The following NR2F2 variants were observed in gnomAD, a reference collection of about 807,000 sequenced individuals.
NR2F2 encodes COUP transcription factor 2.
NR2F2 carries 2 observed loss-of-function variants against 34.8 expected under a neutral mutation model. That is an observed-to-expected ratio of 0.06 (90% CI 0.02 to 0.18). NR2F2 has a LOEUF of 0.18. Ranked by LOEUF, NR2F2 falls within the 10% of genes least tolerant of loss-of-function variation. The pLI is 1.00. For synonymous variants in NR2F2, 274 were observed against 251.8 expected, an observed-to-expected ratio of 1.09 and a Z score of -0.84; for missense variants, 300 against 580.1, an observed-to-expected ratio of 0.52 and a Z score of 4.96.
intron 2 of NR2F2, among the ~76,000 whole-genome samples, chr15:96,335,409 C>G (rs552275480): frequency 6.6e-6 from 1 of 152,238 alleles, no homozygotes; most frequent in Non-Finnish European, 1.5e-5. Context: ...AGTAATAGAG[C>G]TGATACTAAT....
At chr15:96,327,503 G>A (rs894053341), upstream of NR2F2, 1 of 152,188 alleles carries the variant, frequency 6.6e-6, no homozygotes, top group Non-Finnish European at 1.5e-5. Context: ...ATTTTTCAGA[G>A]GACCTAACTC....
chr15:96,330,779 T>G lies in NR2F2; in HGVS notation c.-1327T>G. ...CCCCTTTTTAGCATATTTGATCACT[T>G]TGATTCTCTGTTCTTTTCTCTCCGC... is the stretch of plus-strand genomic sequence containing the variant. On this transcript the variant is annotated 5_prime_UTR_variant, in exon 1 of 3. Coordinates refer to ENST00000394166, the MANE Select transcript of NR2F2 (RefSeq NM_021005.4). 2 of 940,300 alleles carry G rather than the reference T, an allele frequency of 2.1e-6. No homozygotes were observed. Among genetic ancestry groups the G allele is most frequent in the Non-Finnish European group, 2.6e-6 (2 of 758,968 alleles). 58.2% of individuals were successfully genotyped at this position (940,300 alleles called of 1,614,324 possible). A position where few individuals can be genotyped will look rare whatever the true frequency, so the allele number is the denominator to read the frequency against.
rs1052621749 is a variant in NR2F2 at position 96,332,152 on chromosome 15, C to A, written c.47C>A (p.Pro16His). Residue 16 changes from proline (P) to histidine (H), a missense_variant, in exon 1 of 3, where the codon CCC becomes CAC. Around this residue, in one of 6 missense-constraint regions of NR2F2, gnomAD observed 105 missense variants for 107.8 expected, o/e 0.97. Transcript: ENST00000394166. ...STWRDPQDEV[P>H]GSQGSQASQA... ...TGGCGCGACCCCCAGGACGAGGTGC[C>A]CGGCTCACAGGGCAGCCAGGCCTCG... 3 of 1,355,858 alleles carry A rather than the reference C, an allele frequency of 2.2e-6. No homozygotes were observed. Among genetic ancestry groups the A allele is most frequent in the Non-Finnish European group, 2.8e-6 (3 of 1,054,336 alleles). 84.0% of individuals were successfully genotyped at this position (1,355,858 alleles called of 1,614,324 possible).
rs1235388890 is a variant in NR2F2 at position 96,331,170 on chromosome 15, C to G, written c.-936C>G. The G allele has an allele frequency of 2.1e-6, 2 of 972,510 alleles. No homozygotes were observed. Among genetic ancestry groups the G allele is most frequent in the South Asian group, 4.6e-5 (1 of 21,810 alleles). The allele number at this position is 972,510 out of a possible 1,614,324, so 60.2% of individuals were successfully genotyped here. On this transcript the variant is annotated 5_prime_UTR_variant, in exon 1 of 3. Coordinates refer to ENST00000394166, the MANE Select transcript of NR2F2 (RefSeq NM_021005.4). ...GACCCGGCGGCTTCGGCGGCGGCTC[C>G]GGCGGCAGCGGCGGCCCGGGCGGCC...
chr15:96,333,988 TG>T, intron 1 of NR2F2, 87 bp from the exon 2 acceptor site: 2 of 1,543,934 alleles, frequency 1.3e-6, no homozygotes, highest in East Asian at 2.3e-5. Context: ...CTGGGTCAGG[TG>T]GGGGTCGGGC....
At chr15:96,330,229 A>G (rs1244031026), upstream of NR2F2, among the ~76,000 whole-genome samples, 1 of 152,130 alleles carries the variant, frequency 6.6e-6, no homozygotes, top group Non-Finnish European at 1.5e-5. Context: ...TGACATCGCC[A>G]AGTTGCGAGA....
chr15:96,336,809 A>C (rs1462337968), intron 2 of NR2F2, among the ~76,000 whole-genome samples: 2 of 152,154 alleles, frequency 1.3e-5, no homozygotes, highest in African/African-American at 4.8e-5. Flanking sequence ...CACTTAAATC[A>C]GTTTCAAAGA....
chr15:96,339,900 T>A lies in NR2F2; in HGVS notation c.*2278T>A, dbSNP rs2141174596. 6.6e-6 allele frequency: 1 copy of A among 151,650 alleles called. No homozygotes were observed. Among genetic ancestry groups the A allele is most frequent in the Admixed American group, 6.6e-5 (1 of 15,234 alleles). The allele number at this position is 151,650 out of a possible 1,614,324, so 9.4% of individuals were successfully genotyped here. ...AGTGAGGGAGGTGAAAGAACAGGGA[T>A]AATTTTGTAAAGTGTATTAAACGTT... On this transcript the variant is annotated 3_prime_UTR_variant, in exon 3 of 3. Coordinates refer to ENST00000394166, the MANE Select transcript of NR2F2 (RefSeq NM_021005.4).
Position 96,330,802 on chromosome 15 carries a change from C to T in NR2F2, c.-1304C>T, listed in dbSNP as rs1899112222. 1.9e-6 allele frequency: 2 copies of T among 1,047,294 alleles called. No homozygotes were observed. The highest frequency in any genetic ancestry group is 2.4e-6 in the Non-Finnish European group (2 of 845,126). The allele number at this position is 1,047,294 out of a possible 1,614,324, so 64.9% of individuals were successfully genotyped here. On this transcript the variant is annotated 5_prime_UTR_variant, in exon 1 of 3. Transcript: ENST00000394166. The stretch of plus-strand genomic sequence containing the variant: ...CTTTGATTCTCTGTTCTTTTCTCTC[C>T]GCGGTGTGTGTGTGCGTGCGCGCGT...
At position 96,334,503 on chromosome 15, in the gene NR2F2, C is replaced by G; in HGVS notation, c.870C>G (p.Asp290Glu). 1 of 1,613,766 alleles carries G rather than the reference C, an allele frequency of 6.2e-7. No homozygotes were observed. The highest frequency in any genetic ancestry group is 2.2e-5 in the East Asian group (1 of 44,854). Residue 290 changes from aspartate to glutamate, a missense_variant, in exon 2 of 3, where the codon GAC (aspartate) becomes GAG (glutamate). Physicochemically the swap from Asp to Glu is conservative, Grantham distance 45. Coordinates refer to ENST00000394166, the MANE Select transcript of NR2F2 (RefSeq NM_021005.4). ...CCGACCGGGTGGTCGCCTTTATGGA[C>G]CACATACGGATCTTCCAAGAGCAAG... ...MSADRVVAFMDHIRIFQEQVE... is the reference protein window; with the variant it reads ...MSADRVVAFMEHIRIFQEQVE...
In NR2F2 at chr15:96,331,396, C is replaced by A; in HGVS notation, c.-710C>A. On this transcript the variant is annotated 5_prime_UTR_variant, in exon 1 of 3. Coordinates refer to ENST00000394166, the MANE Select transcript of NR2F2 (RefSeq NM_021005.4). ...GCGCTCCGGCCACTCCGCGGGCCGC[C>A]GGCCTCCGCCCCGGCCTGCCTGGCT... is the stretch of plus-strand genomic sequence containing the variant. 8.1e-7 allele frequency: 1 copy of A among 1,227,870 alleles called. No homozygotes were observed. The highest frequency in any genetic ancestry group is 1.0e-6 in the Non-Finnish European group (1 of 985,654). 76.1% of individuals were successfully genotyped at this position (1,227,870 alleles called of 1,614,324 possible).
Position 96,331,144 on chromosome 15 carries a change from C to A in NR2F2, c.-962C>A. 1 of 1,075,828 alleles carries A rather than the reference C, an allele frequency of 9.3e-7. No individual in the cohort carries two copies. The highest frequency in any genetic ancestry group is 1.1e-6 in the Non-Finnish European group (1 of 882,722). The allele number at this position is 1,075,828 out of a possible 1,614,324, so 66.6% of individuals were successfully genotyped here. ...GCGCTAGACGCAGCGGCTCCGGGCC[C>A]GACCCGGCGGCTTCGGCGGCGGCTC... On this transcript the variant is annotated 5_prime_UTR_variant, in exon 1 of 3. Coordinates refer to ENST00000394166, the MANE Select transcript of NR2F2 (RefSeq NM_021005.4).
At chr15:96,333,752 G>GA in intron 1 of NR2F2, 1 of 1,333,658 alleles carries the variant, frequency 7.5e-7, no homozygotes, top group Non-Finnish European at 9.6e-7. Flanking sequence ...CAGTAAAGAA[G>GA]AAAGATGCCC....
intron 1 of NR2F2, chr15:96,333,224 C>T (rs1596426276): frequency 2.1e-6 from 1 of 481,256 alleles, no homozygotes; most frequent in Non-Finnish European, 2.8e-6. Flanking sequence ...ATATAAAATT[C>T]GCCGAGCGCC....
intron 1 of NR2F2, 31 bp from the exon 2 acceptor site, chr15:96,334,045 A>C (rs1374537485): frequency 2.5e-6 from 4 of 1,596,492 alleles, no homozygotes; most frequent in Non-Finnish European, 3.4e-6. Flanking sequence ...GCTGGTCATT[A>C]ACTGTGGAGT....
intron 1 of NR2F2, chr15:96,333,721 T>C (rs1899229027): frequency 8.2e-7 from 1 of 1,214,168 alleles, no homozygotes; most frequent in African/African-American, 1.5e-5. Flanking sequence ...CTCCAATCAA[T>C]AAGAAATATC....
Position 96,337,833 on chromosome 15 carries a change from AAAAC to A in NR2F2, c.*212_*215del, listed in dbSNP as rs1293534305. 6.8e-6 allele frequency: 3 copies of A among 441,956 alleles called. No homozygotes were observed. The highest frequency in any genetic ancestry group is 1.2e-5 in the Non-Finnish European group (3 of 256,874). 27.4% of individuals were successfully genotyped at this position (441,956 alleles called of 1,614,324 possible). On this transcript the variant is annotated 3_prime_UTR_variant, in exon 3 of 3. Transcript: ENST00000394166. ...TTACAGAATGCATTAAAAAAAAAAA[AAAAC>A]TCCTGTGTCGGTCAGAACAACTTGC...
At chr15:96,337,281 ATTCTTCTTC>A (rs3833035) in intron 2 of NR2F2, 58 bp from the exon 3 acceptor site, 179 of 1,499,128 alleles carry the variant, frequency 1.2e-4, no homozygotes, top group Middle Eastern at 1.8e-4. Flanking sequence ...TGATGACTGA[ATTCTTCTTC>A]TTCTTCTTCT....
rs1249454576 is a variant in NR2F2 at position 96,340,210 on chromosome 15, G to A, written c.*2588G>A. 6.6e-6 allele frequency: 1 copy of A among 152,116 alleles called. No individual in the cohort carries two copies. Among genetic ancestry groups the A allele is most frequent in the Non-Finnish European group, 1.5e-5 (1 of 68,014 alleles). The allele number at this position is 152,116 out of a possible 1,614,324, so 9.4% of individuals were successfully genotyped here. A position where few individuals can be genotyped will look rare whatever the true frequency, so the allele number is the denominator to read the frequency against. Reference sequence around the variant, plus strand: ...AGTTTATTGTAAACAGCCATTTGTTGTAAATTATTATTGGCATTAAATTAT... The same window carrying A: ...AGTTTATTGTAAACAGCCATTTGTTATAAATTATTATTGGCATTAAATTAT... On this transcript the variant is annotated 3_prime_UTR_variant, in exon 3 of 3. Coordinates refer to ENST00000394166, the MANE Select transcript of NR2F2 (RefSeq NM_021005.4).
Sources: gnomAD v4.1 joint callset for allele counts (sites outside exome capture counted in the v4.1 genomes callset) on GRCh38, gnomAD v4.1.1 for gene constraint, gnomAD v4.1.1 regional missense constraint, MANE v1.5 for transcripts, NCBI Gene and HGNC (gene_info 2026-07-23, HGNC 2026-07-21) for gene names.